RECQL4: variants seen among roughly 807,000 people sequenced by gnomAD.
RECQL4 encodes the protein ATP-dependent DNA helicase Q4.
Under a neutral mutation model 128.6 loss-of-function variants are expected in RECQL4, and 158 were observed. The observed-to-expected ratio is 1.23, with a 90% CI of 1.08 to 1.40. The LOEUF is 1.40. RECQL4 is among the 40% of genes most tolerant of loss of function. The pLI, the probability that RECQL4 is intolerant of heterozygous loss-of-function variation, is 0.00. For synonymous variants in RECQL4, 996 were observed against 678.9 expected (o/e 1.47, Z -7.26); for missense variants, 2,293 against 1,649.8 (o/e 1.39, Z -6.75).
chr8:144,511,600 G>A (rs2130649915), intron 20 of RECQL4, 45 bp from the exon 21 acceptor site: 1 of 1,607,610 alleles, frequency 6.2e-7, no homozygotes, highest in Non-Finnish European at 8.5e-7. Flanking sequence ...GCCCCAGCCT[G>A]CAGCGGGTGG....
chr8:144,511,314 C>A lies in RECQL4; in HGVS notation c.*117G>T. On this transcript the variant is annotated 3_prime_UTR_variant, in exon 21 of 21. Transcript: ENST00000617875. ...AAAAACAAAGTGAGCATTTTTTATT[C>A]TGCATTTTGGAGCCTCCTCGTTCCC... is the stretch of plus-strand genomic sequence containing the variant. The A allele has an allele frequency of 6.4e-7, 1 of 1,551,000 alleles. No individual in the cohort carries two copies. The highest frequency in any genetic ancestry group is 1.2e-5 in the South Asian group (1 of 83,138).
intron 6 of RECQL4, 21 bp from the exon 7 acceptor site, chr8:144,515,478 T>C (rs1242069260): frequency 1.2e-6 from 2 of 1,611,736 alleles, no homozygotes; most frequent in South Asian, 1.1e-5. Flanking sequence ...CAGGAGAGGG[T>C]AGAATGGGAG....
chr8:144,513,521 T>C (rs771051912), intron 13 of RECQL4, 41 bp from the exon 14 acceptor site: 16 of 1,610,896 alleles, frequency 9.9e-6, no homozygotes, highest in African/African-American at 2.7e-5. Context: ...GATGGGACCA[T>C]GTGTGCCCAA....
chr8:144,511,299 T>C lies in RECQL4; in HGVS notation c.*132A>G, dbSNP rs1827152410. The C allele has an allele frequency of 2.7e-5, 42 of 1,540,788 alleles. No individual in the cohort carries two copies. Among genetic ancestry groups the C allele is most frequent in the Non-Finnish European group, 3.7e-5 (42 of 1,141,268 alleles). Reference sequence around the variant, plus strand: ...GCCAAGAGGGCCCATAAAAACAAAGTGAGCATTTTTTATTCTGCATTTTGG... The same window carrying C: ...GCCAAGAGGGCCCATAAAAACAAAGCGAGCATTTTTTATTCTGCATTTTGG... On this transcript the variant is annotated 3_prime_UTR_variant, in exon 21 of 21. Transcript: ENST00000617875.
In RECQL4 at chr8:144,513,019, G is replaced by C. The variant is rs746331252; in HGVS notation, c.2583C>G (p.Pro861=). 2.5e-6 allele frequency: 4 copies of C among 1,571,930 alleles called. No individual in the cohort carries two copies. Among genetic ancestry groups the C allele is most frequent in the Admixed American group, 3.7e-5 (2 of 53,430 alleles). The stretch of plus-strand genomic sequence containing the variant: ...CACCCACGGCCCCTTCCTGCTCCGA[G>C]GGCGGCCTGGTGCAGGTGCAGGTGC... ...PACTCTCTRP[P]SEQEGAVGGE... is the part of the protein sequence containing the mutation. The change falls in exon 15 of 21, where the codon CCC becomes CCG. Residue 861 remains proline (P), a synonymous_variant. Transcript: ENST00000617875.
At chr8:144,517,235 CG>C (rs1201092888) in intron 3 of RECQL4, 45 bp from the exon 4 acceptor site, 1 of 1,545,122 alleles carries the variant, frequency 6.5e-7, no homozygotes, top group African/African-American at 1.4e-5. Context: ...GCTGTTGTGG[CG>C]GCAGAAGCGC....
At chr8:144,514,729 C>T (rs1049091541) in intron 9 of RECQL4, among the ~76,000 whole-genome samples, 2 of 152,238 alleles carry the variant, frequency 1.3e-5, no homozygotes, top group African/African-American at 2.4e-5. Context: ...GGGATGGCTC[C>T]TTTCCCAGCA....
Position 144,512,010 on chromosome 8 carries a change from G to T in RECQL4, c.3294C>A (p.Thr1098=), listed in dbSNP as rs753659106. Residue 1098 remains threonine, a synonymous_variant, in exon 19 of 21, where the codon ACC becomes ACA. Coordinates refer to ENST00000617875, the MANE Select transcript of RECQL4 (RefSeq NM_004260.4). The part of the protein sequence containing the change: ...CLEQQDEERS[T]RLKDLLGRYF... ...AGCGGCCGAGCAGGTCCTTGAGCCT[G>T]GTGCTGCGCTCCTCATCCTGCTGCT... 1.9e-6 allele frequency: 3 copies of T among 1,609,350 alleles called. No individual in the cohort carries two copies. The highest frequency in any genetic ancestry group is 1.7e-6 in the Non-Finnish European group (2 of 1,178,960).
At position 144,514,437 on chromosome 8, in the gene RECQL4, C is replaced by T. The variant is rs771504530; in HGVS notation, c.1704+5G>A. The stretch of plus-strand genomic sequence containing the variant: ...CCCTCACCCCTAGGCCCATGAGGCC[C>T]CCACCTTCTGCAGGACAGATTCCCG... On this transcript the variant is annotated splice_donor_5th_base_variant and intron_variant, in intron 10 of 20. Coordinates refer to ENST00000617875, the MANE Select transcript of RECQL4 (RefSeq NM_004260.4). The T allele has an allele frequency of 1.2e-6, 2 of 1,611,216 alleles. No individual in the cohort carries two copies. The highest frequency in any genetic ancestry group is 1.7e-6 in the Non-Finnish European group (2 of 1,178,886).
Position 144,512,453 on chromosome 8 carries a change from C to T in RECQL4, c.2994G>A (p.Trp998Ter), listed in dbSNP as rs1444437542. 6.2e-7 allele frequency: 1 copy of T among 1,611,714 alleles called. No individual in the cohort carries two copies. The highest frequency in any genetic ancestry group is 8.5e-7 in the Non-Finnish European group (1 of 1,179,390). Residue 998 changes from tryptophan (W) to a stop codon, truncating the protein, a stop_gained, in exon 17 of 21, where the codon TGG (tryptophan) becomes TGA (stop). Coordinates refer to ENST00000617875, the MANE Select transcript of RECQL4 (RefSeq NM_004260.4). LOFTEE classifies it high-confidence loss of function. ...DMVKLVDSMG[W>*]ELASVRRALC... ...GAGCCCGCCGCACAGAGGCCAGCTCCCAGCCCATGGAGTCCACCAGCTTGA... is the reference window on the plus strand; with the variant it reads ...GAGCCCGCCGCACAGAGGCCAGCTCTCAGCCCATGGAGTCCACCAGCTTGA...
chr8:144,513,179 G>A (rs1586800846), intron 14 of RECQL4, 39 bp downstream of exon 14: 1 of 1,550,434 alleles, frequency 6.4e-7, no homozygotes, highest in East Asian at 2.3e-5. Flanking sequence ...GACCACTGGG[G>A]GCTCGAGCAC....
rs202045203 is a variant in RECQL4, at chr8:144,512,710, C to T, written c.2817G>A (p.Ala939=). ...TCAGACGGCAATGGGTATAGGTGGT[C>T]GCCAGCAGCTCCAGCCAGTGGTGTG... ...LHPHHWLELL[A]TTYTHCRLNC... is the part of the protein sequence containing the mutation. Residue 939 remains alanine, a synonymous_variant, in exon 16 of 21, where the codon GCG becomes GCA. Transcript: ENST00000617875. 4,044 of 1,612,240 alleles carry T rather than the reference C, an allele frequency of 2.5e-3. 8 individuals carry two copies. Among genetic ancestry groups the T allele is most frequent in the Non-Finnish European group, 3.1e-3 (3,667 of 1,179,794 alleles).
In RECQL4 at chr8:144,514,972, CA is replaced by C. The variant is rs1564801266; in HGVS notation, c.1583del (p.Leu528TrpfsTer30). On this transcript the variant is annotated frameshift_variant, in exon 9 of 21. Coordinates refer to ENST00000617875, the MANE Select transcript of RECQL4 (RefSeq NM_004260.4). LOFTEE classifies it high-confidence loss of function. ...TGAGTGACAGCAGGGGAGAGACGAC[CA>C]ACGTGAGGCAGGGGCTGCGCCGGCT... The part of the protein sequence containing the change: ...LYSRRSPCLT[L>X]VVSPLLSLMD... The C allele has an allele frequency of 6.2e-7, 1 of 1,611,908 alleles. No individual in the cohort carries two copies. Among genetic ancestry groups the C allele is most frequent in the Non-Finnish European group, 8.5e-7 (1 of 1,179,620 alleles).
chr8:144,514,257 T>A lies in RECQL4; in HGVS notation c.1810A>T (p.Ile604Phe). 1 of 1,612,192 alleles carries A rather than the reference T, an allele frequency of 6.2e-7. No homozygotes were observed. Among genetic ancestry groups the A allele is most frequent in the Non-Finnish European group, 8.5e-7 (1 of 1,179,664 alleles). The change falls in exon 11 of 21, where the codon ATT becomes TTT. Residue 604 changes from isoleucine (I) to phenylalanine (F), a missense_variant. Coordinates refer to ENST00000617875, the MANE Select transcript of RECQL4 (RefSeq NM_004260.4). ...TGGGAGAGGCAGTGGGCCTCATCAA[T>A]GCAGGCAAAAGCAACTGGAGGCAGC... ...AQLPPVAFACIDEAHCLSQWS... is the reference protein window; with the variant it reads ...AQLPPVAFACFDEAHCLSQWS...
chr8:144,516,055 C>A lies in RECQL4; in HGVS notation c.1064G>T (p.Arg355Leu), dbSNP rs374743591. The A allele has an allele frequency of 1.9e-6, 3 of 1,612,646 alleles. No individual in the cohort carries two copies. Among genetic ancestry groups the A allele is most frequent in the Non-Finnish European group, 2.5e-6 (3 of 1,179,826 alleles). The change falls in exon 5 of 21, where the codon CGG becomes CTG. Residue 355 changes from arginine (R) to leucine (L), a missense_variant. Transcript: ENST00000617875. ...GTAGTGTTTCTGCTTCATGTTGAGC[C>A]GTACGTAATTGCCCCTGTCATGGCG... ...LARHDRGNYV[R>L]LNMKQKHYVR...
At position 144,514,425 on chromosome 8, in the gene RECQL4, G is replaced by A. The variant is rs1233214699; in HGVS notation, c.1704+17C>T. 3 of 1,610,164 alleles carry A rather than the reference G, an allele frequency of 1.9e-6. No individual in the cohort carries two copies. Among genetic ancestry groups the A allele is most frequent in the East Asian group, 2.2e-5 (1 of 44,844 alleles). On this transcript the variant is annotated intron_variant, in intron 10 of 20. Coordinates refer to ENST00000617875, the MANE Select transcript of RECQL4 (RefSeq NM_004260.4). The stretch of plus-strand genomic sequence containing the variant: ...CGCCCGCTGCCTCCCTCACCCCTAG[G>A]CCCATGAGGCCCCCACCTTCTGCAG...
At position 144,513,651 on chromosome 8, in the gene RECQL4, C is replaced by A; in HGVS notation, c.2120G>T (p.Cys707Phe). The A allele has an allele frequency of 6.3e-7, 1 of 1,575,862 alleles. No homozygotes were observed. The highest frequency in any genetic ancestry group is 2.3e-5 in the East Asian group (1 of 42,758). The stretch of plus-strand genomic sequence containing the variant: ...CCGCTCTGTGTCCTCGCGCCGGTTG[C>A]AGTAAATGATAATGGAATCGAGGTT... Reference protein sequence around the residue: ...FQNLDSIIIYCNRREDTERIA... With the variant: ...FQNLDSIIIYFNRREDTERIA... The change falls in exon 13 of 21, where the codon TGC (cysteine) becomes TTC (phenylalanine). Residue 707 changes from cysteine (C) to phenylalanine (F), a missense_variant. Coordinates refer to ENST00000617875, the MANE Select transcript of RECQL4 (RefSeq NM_004260.4).
chr8:144,513,386 C>G lies in RECQL4; in HGVS notation c.2295G>C (p.Leu765Phe). 1.2e-6 allele frequency: 2 copies of G among 1,608,126 alleles called. No individual in the cohort carries two copies. The highest frequency in any genetic ancestry group is 1.7e-6 in the Non-Finnish European group (2 of 1,179,712). ...RVQRAFMQGQ[L>F]RVVVATVAFG... ...AGGCCACCGTGGCCACCACCACCCGCAACTGGCCCTGCATGAAGGCTCGCT... is the reference window on the plus strand; with the variant it reads ...AGGCCACCGTGGCCACCACCACCCGGAACTGGCCCTGCATGAAGGCTCGCT... The change falls in exon 14 of 21, where the codon TTG becomes TTC. Residue 765 changes from leucine (L) to phenylalanine (F), a missense_variant. Transcript: ENST00000617875.
chr8:144,515,383 T>G lies in RECQL4; in HGVS notation c.1333A>C (p.Ser445Arg). The G allele has an allele frequency of 6.2e-7, 1 of 1,612,768 alleles. No homozygotes were observed. Among genetic ancestry groups the G allele is most frequent in the African/African-American group, 1.3e-5 (1 of 75,054 alleles). ...PSPQPVPEVP[S>R]LDPTVLPLYS... ...AGTGGCAGCACGGTGGGGTCCAGGC[T>G]GGGCACCTCAGGTACAGGTTGTGGT... The change falls in exon 7 of 21, where the codon AGC (serine) becomes CGC (arginine). Residue 445 changes from serine (S) to arginine (R), a missense_variant. By Grantham distance (110) the Ser-to-Arg change is moderately radical (BLOSUM62 -1). Coordinates refer to ENST00000617875, the MANE Select transcript of RECQL4 (RefSeq NM_004260.4).
Sources: allele counts gnomAD v4.1 joint callset (sites outside exome capture counted in the v4.1 genomes callset), GRCh38; gene constraint gnomAD v4.1.1; transcripts MANE v1.5; gene names NCBI Gene and HGNC (gene_info 2026-07-23, HGNC 2026-07-21).